Variants in HMCN1 observed in about 807,000 individuals in gnomAD.
The protein encoded by HMCN1 is hemicentin 1.
In HMCN1, 321 loss-of-function variants were observed where a neutral mutation model predicts 625.9. The observed-to-expected ratio is 0.51, with a 90% CI of 0.47 to 0.56. HMCN1 has a LOEUF of 0.56. Ranked by LOEUF, HMCN1 falls within the 20% of genes least tolerant of loss-of-function variation. The probability of loss-of-function intolerance (pLI) is 0.00; values close to 1 mark genes in which losing one functional copy is unlikely to be tolerated. For synonymous variants in HMCN1, 2,425 were observed against 2,417.6 expected (o/e 1.00, Z -0.09); for missense variants, 6,588 against 6,887.3 (o/e 0.96, Z 1.54).
intron 4 of HMCN1, among the ~76,000 whole-genome samples, chr1:185,900,524 A>G (rs950129572): frequency 4.6e-5 from 7 of 151,942 alleles, no homozygotes; most frequent in African/African-American, 1.7e-4. Flanking sequence ...ATTTCCCAAT[A>G]ATTTTAGTCC....
In HMCN1 at chr1:185,779,643, G is replaced by A. The variant is rs145338740; in HGVS notation, c.268+44596G>A. ...TCTTGTTTTTGTCAGGTTTGTCAAA[G>A]ATCAGATGGCTATAGATGTGTGGTA... On this transcript the variant is annotated intron_variant, in intron 1 of 106. Transcript: ENST00000271588. Among the ~76,000 whole-genome samples the A allele has an allele frequency of 7.6e-4, 116 of 152,290 alleles. 2 individuals are homozygous for A. In the East Asian group the frequency reaches 0.019, roughly 25 times the overall value.
intron 103 of HMCN1, among the ~76,000 whole-genome samples, chr1:186,175,892 G>GAAA: frequency 7.4e-6 from 1 of 135,080 alleles, no homozygotes; most frequent in African/African-American, 2.8e-5. Flanking sequence ...AAAAAAAAAA[G>GAAA]AAAGAAAAGA....
intron 2 of HMCN1, among the ~76,000 whole-genome samples, chr1:185,854,484 T>A (rs1662343552): frequency 6.6e-6 from 1 of 152,162 alleles, no homozygotes; most frequent in South Asian, 2.1e-4. Flanking sequence ...GGGACTCCTA[T>A]GGAGCAATGT....
chr1:185,784,379 G>A (rs754606514), intron 1 of HMCN1, among the ~76,000 whole-genome samples: 3 of 152,318 alleles, frequency 2.0e-5, no homozygotes, highest in Middle Eastern at 3.4e-3. Context: ...TGTCCGACAA[G>A]CCCCAGTGAT....
chr1:185,759,963 C>T (rs1033728906), intron 1 of HMCN1, among the ~76,000 whole-genome samples: 6 of 152,064 alleles, frequency 3.9e-5, no homozygotes, highest in African/African-American at 7.2e-5. Flanking sequence ...ACTATAATGA[C>T]GAGCAAATAA....
intron 4 of HMCN1, among the ~76,000 whole-genome samples, chr1:185,906,457 A>C (rs1438575346): frequency 2.6e-5 from 4 of 151,890 alleles, no homozygotes; most frequent in Non-Finnish European, 5.9e-5. Flanking sequence ...CCATTTGAAC[A>C]CACTTGCTTC....
chr1:186,190,368 A>G lies in HMCN1; in HGVS notation c.*490A>G, dbSNP rs1653647343. On this transcript the variant is annotated 3_prime_UTR_variant, in exon 107 of 107. Coordinates refer to ENST00000271588, the MANE Select transcript of HMCN1 (RefSeq NM_031935.3). The stretch of plus-strand genomic sequence containing the variant: ...GTAAGTATTGATACATTATAATAGG[A>G]CTTGCCTATTTTCATTTTTAAGAAG... 1 of 200,372 alleles carries G rather than the reference A, an allele frequency of 5.0e-6. No individual in the cohort carries two copies. The highest frequency in any genetic ancestry group is 2.3e-5 in the African/African-American group (1 of 43,228). The allele number at this position is 200,372 out of a possible 1,614,324, so 12.4% of individuals were successfully genotyped here.
chr1:185,922,410 T>C lies in HMCN1; in HGVS notation c.932T>C (p.Ile311Thr). 6.2e-7 allele frequency: 1 copy of C among 1,613,740 alleles called. No individual in the cohort carries two copies. Among genetic ancestry groups the C allele is most frequent in the Non-Finnish European group, 8.5e-7 (1 of 1,179,810 alleles). ...AGCAGTGGAAGGCACTCTGTTCGCA[T>C]TACTGGCCTCAGTACTATTGATTTC... The part of the protein sequence containing the change: ...TSSSGRHSVR[I>T]TGLSTIDFRA... The change falls in exon 7 of 107, where the codon ATT becomes ACT. Residue 311 changes from isoleucine to threonine, a missense_variant. By Grantham distance (89) the Ile-to-Thr change is moderately conservative. Transcript: ENST00000271588.
chr1:185,993,344 T>G (rs896921874), intron 23 of HMCN1, 35 bp downstream of exon 23: 29 of 1,610,248 alleles, frequency 1.8e-5, no homozygotes, highest in Non-Finnish European at 2.5e-5. Context: ...GACAACCCTG[T>G]GGACTGGCCA....
At chr1:185,797,816 A>C (rs1000427633) in intron 1 of HMCN1, among the ~76,000 whole-genome samples, 4 of 141,060 alleles carry the variant, frequency 2.8e-5, no homozygotes, top group Non-Finnish European at 4.4e-5. Context: ...AATACAAAAA[A>C]TTAGCCGGGC....
At chr1:186,166,372 A>G in intron 99 of HMCN1, 69 bp downstream of exon 99, 1 of 1,581,674 alleles carries the variant, frequency 6.3e-7, no homozygotes, top group Non-Finnish European at 8.7e-7. Flanking sequence ...AAAAAGTATG[A>G]TAGACCCATT....
intron 1 of HMCN1, among the ~76,000 whole-genome samples, chr1:185,794,831 A>AT (rs398103448): frequency 2.0e-5 from 3 of 151,912 alleles, no homozygotes; most frequent in Admixed American, 6.5e-5. Flanking sequence ...ATTTAAAAAA[A>AT]CTTGTGATAA....
intron 2 of HMCN1, among the ~76,000 whole-genome samples, chr1:185,856,904 ATCAT>A (rs1417664798): frequency 6.6e-6 from 1 of 152,180 alleles, no homozygotes; most frequent in African/African-American, 2.4e-5. Context: ...TCTCTGGTCC[ATCAT>A]TTGATGTAGA....
At chr1:186,011,341 G>A (rs752498416) in intron 30 of HMCN1, among the ~76,000 whole-genome samples, 1 of 152,152 alleles carries the variant, frequency 6.6e-6, no homozygotes, top group Non-Finnish European at 1.5e-5. Context: ...ATCGCGCCCA[G>A]CCTACTGCTG....
intron 4 of HMCN1, 91 bp from the exon 5 acceptor site, chr1:185,909,246 T>C (rs953721578): frequency 6.4e-6 from 6 of 939,812 alleles, no homozygotes; most frequent in Admixed American, 3.5e-5. Context: ...TGTGCCGGAG[T>C]CATTTGATCA....
At chr1:186,178,159 A>G (rs1652714504) in intron 103 of HMCN1, among the ~76,000 whole-genome samples, 1 of 152,202 alleles carries the variant, frequency 6.6e-6, no homozygotes, top group South Asian at 2.1e-4. Context: ...ACTTGCTTCA[A>G]TGTGAATGTT....
In HMCN1 at chr1:185,978,051, G is replaced by A. The variant is rs1651355616; in HGVS notation, c.2566+70G>A. On this transcript the variant is annotated intron_variant, in intron 16 of 106. Transcript: ENST00000271588. Reference sequence around the variant, plus strand: ...TTATATATTTATGTTTTATACATAGGTATTGCTATTTAAAATAGTATATTA... The same window carrying A: ...TTATATATTTATGTTTTATACATAGATATTGCTATTTAAAATAGTATATTA... 3.7e-6 allele frequency: 4 copies of A among 1,095,538 alleles called. No homozygotes were observed. The East Asian group carries it at 1.0e-4, about 28-fold the overall frequency. 67.9% of individuals were successfully genotyped at this position (1,095,538 alleles called of 1,614,324 possible). A position where few individuals can be genotyped will look rare whatever the true frequency, so the allele number is the denominator to read the frequency against.
chr1:185,823,535 A>C (rs1660328224), intron 1 of HMCN1, among the ~76,000 whole-genome samples: 1 of 152,146 alleles, frequency 6.6e-6, no homozygotes, highest in African/African-American at 2.4e-5. Flanking sequence ...GCCTCAGTTT[A>C]CTACAGACTT....
In HMCN1 at chr1:186,078,129, T is replaced by C; in HGVS notation, c.8508T>C (p.Pro2836=). 6.2e-7 allele frequency: 1 copy of C among 1,613,678 alleles called. No individual in the cohort carries two copies. The highest frequency in any genetic ancestry group is 8.5e-7 in the Non-Finnish European group (1 of 1,179,784). Residue 2836 remains proline (P), a synonymous_variant, in exon 55 of 107, where the codon CCT becomes CCC. Transcript: ENST00000271588. ...CAGGAGGGCGAGTGTTGCAGATTCCTCGGGCTAAAGTAGAAGATGCTGGGA... is the reference window on the plus strand; with the variant it reads ...CAGGAGGGCGAGTGTTGCAGATTCCCCGGGCTAAAGTAGAAGATGCTGGGA... ...ILPGGRVLQI[P]RAKVEDAGRY...
Sources: allele counts gnomAD v4.1 joint callset (sites outside exome capture counted in the v4.1 genomes callset), GRCh38; gene constraint gnomAD v4.1.1; transcripts MANE v1.5; gene names NCBI Gene and HGNC (gene_info 2026-07-23, HGNC 2026-07-21).